Variants in CTTNBP2 observed in about 807,000 individuals in gnomAD.
The protein encoded by CTTNBP2 is cortactin-binding protein 2.
In CTTNBP2, 108 loss-of-function variants were observed where a neutral mutation model predicts 156.9. The observed-to-expected ratio is 0.69, with a 90% CI of 0.59 to 0.81. The LOEUF (loss-of-function observed/expected upper bound fraction) is 0.81, where lower values mean the gene tolerates loss of function less well. Ranked by LOEUF, CTTNBP2 falls within the 30% of genes least tolerant of loss-of-function variation. The pLI is 0.00. For missense variants in CTTNBP2, 1,924 were observed against 2,035.4 expected (o/e 0.95, Z 1.05); for synonymous variants, 767 against 751.8 (o/e 1.02, Z -0.33).
intron 5 of CTTNBP2, among the ~76,000 whole-genome samples, 172 bp downstream of exon 5, chr7:117,784,078 AT>A (rs1798568964): frequency 6.6e-6 from 1 of 152,180 alleles, no homozygotes; most frequent in South Asian, 2.1e-4. Context: ...TACAATTTGG[AT>A]TTTTTAAATG....
chr7:117,754,014 C>A, intron 12 of CTTNBP2, among the ~76,000 whole-genome samples: 1 of 152,164 alleles, frequency 6.6e-6, no homozygotes, highest in Non-Finnish European at 1.5e-5. Context: ...ATTTGTGGAA[C>A]TGGGAAGCTA....
intron 20 of CTTNBP2, among the ~76,000 whole-genome samples, 180 bp from the exon 21 acceptor site, chr7:117,719,816 A>T (rs1260370200): frequency 1.3e-5 from 2 of 152,196 alleles, no homozygotes; most frequent in Non-Finnish European, 2.9e-5. Context: ...GGTAACTCCT[A>T]CTCAAAATTC....
chr7:117,769,531 T>G (rs1185802579), intron 8 of CTTNBP2, among the ~76,000 whole-genome samples: 2 of 152,210 alleles, frequency 1.3e-5, no homozygotes, highest in East Asian at 3.8e-4. Context: ...TATGTGGCCA[T>G]TAAAAAAGTA....
intron 16 of CTTNBP2, among the ~76,000 whole-genome samples, chr7:117,729,656 C>G (rs1471386197): frequency 2.0e-5 from 3 of 152,034 alleles, no homozygotes; most frequent in Non-Finnish European, 4.4e-5. Flanking sequence ...CCACCAGGTA[C>G]TGCAATTGCC....
At chr7:117,798,509 G>T (rs1293604470) in intron 3 of CTTNBP2, among the ~76,000 whole-genome samples, 1 of 152,064 alleles carries the variant, frequency 6.6e-6, no homozygotes, top group Non-Finnish European at 1.5e-5. Flanking sequence ...AAATCACAAA[G>T]TAATTTAGAA....
At chr7:117,802,080 C>T (rs2116918690) in intron 3 of CTTNBP2, among the ~76,000 whole-genome samples, 1 of 134,696 alleles carries the variant, frequency 7.4e-6, no homozygotes, top group Admixed American at 7.8e-5. Flanking sequence ...ACCACAGTCC[C>T]CAGAGTGTGA....
intron 2 of CTTNBP2, among the ~76,000 whole-genome samples, chr7:117,818,715 G>A (rs919659809): frequency 2.6e-5 from 4 of 152,192 alleles, no homozygotes; most frequent in Admixed American, 2.6e-4. Context: ...GACTGAAGAG[G>A]AAGAGCAGAA....
At chr7:117,720,641 C>T (rs1321972333) in intron 20 of CTTNBP2, among the ~76,000 whole-genome samples, 2 of 152,054 alleles carry the variant, frequency 1.3e-5, no homozygotes, top group East Asian at 1.9e-4. Flanking sequence ...TGCAGTGAAC[C>T]GAGATCATGC....
chr7:117,873,342 T>C lies in CTTNBP2; in HGVS notation c.74A>G (p.Glu25Gly), dbSNP rs955498347. 1 of 1,446,954 alleles carries C rather than the reference T, an allele frequency of 6.9e-7. No individual in the cohort carries two copies. Among genetic ancestry groups the C allele is most frequent in the Non-Finnish European group, 9.1e-7 (1 of 1,104,274 alleles). 89.6% of individuals were successfully genotyped at this position (1,446,954 alleles called of 1,614,324 possible). The change falls in exon 1 of 23, where the codon GAG (glutamate) becomes GGG (glycine). Residue 25 changes from glutamate (E) to glycine (G), a missense_variant. Coordinates refer to ENST00000160373, the MANE Select transcript of CTTNBP2 (RefSeq NM_033427.3). ...CCCCGGGAACTCGGTTACCGCCGCCTCCGCCGCGGCCCCCGCCGCGTCCTC... is the reference window on the plus strand; with the variant it reads ...CCCCGGGAACTCGGTTACCGCCGCCCCCGCCGCGGCCCCCGCCGCGTCCTC... ...APEDAAGAAA[E>G]AAKKEFDVDT... is the part of the protein sequence containing the mutation.
Position 117,791,351 on chromosome 7 carries a change from T to C in CTTNBP2, c.1845A>G (p.Pro615=). 1.2e-6 allele frequency: 2 copies of C among 1,614,120 alleles called. No homozygotes were observed. Among genetic ancestry groups the C allele is most frequent in the Middle Eastern group, 3.3e-4 (2 of 6,062 alleles). ...CAGGTGCCACAGTTAAATCTATGGA[T>C]GGTTTTGGTGGCAGCTGAGGGGAGG... ...KSSSPQLPPK[P]SIDLTVAPAG... Residue 615 remains proline (P), a synonymous_variant, in exon 4 of 23, where the codon CCA becomes CCG. Coordinates refer to ENST00000160373, the MANE Select transcript of CTTNBP2 (RefSeq NM_033427.3).
intron 9 of CTTNBP2, among the ~76,000 whole-genome samples, chr7:117,761,805 A>G (rs1300180805): frequency 6.6e-6 from 1 of 152,218 alleles, no homozygotes; most frequent in Non-Finnish European, 1.5e-5. Flanking sequence ...AACCTGTACT[A>G]AAGACCTCTA....
intron 8 of CTTNBP2, among the ~76,000 whole-genome samples, chr7:117,768,581 A>AAAAAAAGAAAG (rs1554419704): frequency 3.9e-4 from 39 of 99,112 alleles, no homozygotes; most frequent in African/African-American, 1.4e-3. Context: ...AAAAAAAAAA[A>AAAAAAAGAAAG]AAAGAAAGAA....
intron 2 of CTTNBP2, among the ~76,000 whole-genome samples, chr7:117,822,030 A>C (rs1242787093): frequency 6.6e-6 from 1 of 152,180 alleles, no homozygotes; most frequent in East Asian, 1.9e-4. Flanking sequence ...TCTAGGCCTG[A>C]AATTTCCTTT....
intron 2 of CTTNBP2, among the ~76,000 whole-genome samples, chr7:117,851,852 A>C (rs1348233587): frequency 6.6e-6 from 1 of 152,214 alleles, no homozygotes; most frequent in East Asian, 1.9e-4. Flanking sequence ...TCCAGAAGGA[A>C]GCCCAATACA....
Position 117,725,274 on chromosome 7 carries a change from C to A in CTTNBP2, c.4056-17G>T, listed in dbSNP as rs772604826. On this transcript the variant is annotated splice_polypyrimidine_tract_variant and intron_variant, in intron 17 of 22. Transcript: ENST00000160373. ...GACATCCACCTAGCAGGAGAGGGACCGATTCATCCCTTAGGAGCAGGCTTC... is the reference window on the plus strand; with the variant it reads ...GACATCCACCTAGCAGGAGAGGGACAGATTCATCCCTTAGGAGCAGGCTTC... The A allele has an allele frequency of 2.5e-6, 4 of 1,607,660 alleles. No individual in the cohort carries two copies. Among genetic ancestry groups the A allele is most frequent in the Admixed American group, 3.3e-5 (2 of 59,990 alleles).
At chr7:117,796,331 A>G (rs964760785) in intron 3 of CTTNBP2, among the ~76,000 whole-genome samples, 1 of 152,242 alleles carries the variant, frequency 6.6e-6, no homozygotes, top group South Asian at 2.1e-4. Context: ...ACATTTTTAT[A>G]TTAAAAAATC....
At position 117,842,125 on chromosome 7, in the gene CTTNBP2, G is replaced by A. The variant is rs143929665; in HGVS notation, c.189+19084C>T. Among the ~76,000 whole-genome samples, 220 of 152,212 alleles carry A rather than the reference G, an allele frequency of 1.4e-3. 1 individual carries two copies. The highest frequency in any genetic ancestry group is 4.6e-3 in the African/African-American group (192 of 41,524). On this transcript the variant is annotated intron_variant, in intron 2 of 22. Transcript: ENST00000160373. The stretch of plus-strand genomic sequence containing the variant: ...GGTTAAAAAATAGGTTAATAATAGA[G>A]GAAACTGGTGGAGGGGGACACATGA...
At chr7:117,753,595 TTC>T (rs1796735833) in intron 12 of CTTNBP2, among the ~76,000 whole-genome samples, 1 of 152,216 alleles carries the variant, frequency 6.6e-6, no homozygotes, top group Admixed American at 6.5e-5. Context: ...TGAGATCGTG[TTC>T]TTTGCAGGCA....
rs1273150222 is a variant in CTTNBP2, at chr7:117,780,569, A to G, written c.2395T>C (p.Tyr799His). 1 of 1,589,536 alleles carries G rather than the reference A, an allele frequency of 6.3e-7. No homozygotes were observed. The highest frequency in any genetic ancestry group is 1.8e-5 in the Admixed American group (1 of 55,708). ...GCAGCATGATTAATGTTAGCATCATATGAAATTAATAATTCTACACACCTA... is the reference window on the plus strand; with the variant it reads ...GCAGCATGATTAATGTTAGCATCATGTGAAATTAATAATTCTACACACCTA... Reference protein sequence around the residue: ...HFECVELLISYDANINHAADG... With the variant: ...HFECVELLISHDANINHAADG... The change falls in exon 7 of 23, where the codon TAT becomes CAT. Residue 799 changes from tyrosine (Y) to histidine (H), a missense_variant. Tyr to His is a moderately conservative substitution (Grantham distance 83). Transcript: ENST00000160373.
Sources: allele counts gnomAD v4.1 joint callset (sites outside exome capture counted in the v4.1 genomes callset), GRCh38; gene constraint gnomAD v4.1.1; transcripts MANE v1.5; gene names NCBI Gene and HGNC (gene_info 2026-07-23, HGNC 2026-07-21).